CDH23: variants seen among roughly 807,000 people sequenced by gnomAD.
The protein encoded by CDH23 is cadherin related 23.
A neutral mutation model predicts 317.1 loss-of-function variants in CDH23; 189 were observed. That is an observed-to-expected ratio of 0.60 (90% CI 0.53 to 0.67). CDH23 has a LOEUF of 0.67. CDH23 is among the 30% of genes least tolerant of loss of function. The pLI is 0.00. For synonymous variants in CDH23, 1,839 were observed against 1,876.8 expected, an observed-to-expected ratio of 0.98 and a Z score of 0.52; for missense variants, 4,401 against 4,592.4, an observed-to-expected ratio of 0.96 and a Z score of 1.20.
chr10:71,813,286 A>G lies in CDH23; in HGVS notation c.9676A>G (p.Lys3226Glu). 1.3e-6 allele frequency: 2 copies of G among 1,551,666 alleles called. No homozygotes were observed. Among genetic ancestry groups the G allele is most frequent in the Non-Finnish European group, 1.7e-6 (2 of 1,146,986 alleles). ...GGTCCTGGAGGATTACCTGCGGCTC[A>G]AAAAGCTCTTTGCACAGCGGATGGT... ...KVVLEDYLRLKKLFAQRMVQK... is the reference protein window; with the variant it reads ...KVVLEDYLRLEKLFAQRMVQK... The change falls in exon 69 of 70, where the codon AAA (lysine) becomes GAA (glutamate). Residue 3226 changes from lysine (K) to glutamate (E), a missense_variant. By Grantham distance (56) the Lys-to-Glu change is moderately conservative. This residue lies in a region of CDH23 where 1,144 missense variants were observed against 1,138.2 expected (regional missense o/e 1.01). Coordinates refer to ENST00000224721, the MANE Select transcript of CDH23 (RefSeq NM_022124.6).
intron 6 of CDH23, among the ~76,000 whole-genome samples, chr10:71,556,649 A>C (rs1430704639): frequency 6.6e-6 from 1 of 152,078 alleles, no homozygotes; most frequent in East Asian, 1.9e-4. Context: ...ATAGGGAAAA[A>C]CTGTTTTTAA....
intron 12 of CDH23, 52 bp downstream of exon 12, chr10:71,643,918 G>A (rs1323332122): frequency 3.9e-6 from 3 of 765,420 alleles, no homozygotes; most frequent in Non-Finnish European, 7.2e-6. Context: ...GCTTGTGGTG[G>A]GCACAGTGGG....
At chr10:71,664,465 G>A (rs1863802603) in intron 14 of CDH23, among the ~76,000 whole-genome samples, 1 of 152,154 alleles carries the variant, frequency 6.6e-6, no homozygotes, top group Non-Finnish European at 1.5e-5. Flanking sequence ...CTCCTGCAGG[G>A]CTTAGCACCA....
At chr10:71,761,830 C>T (rs758165395) in intron 38 of CDH23, 10 of 1,614,148 alleles carry the variant, frequency 6.2e-6, no homozygotes, top group East Asian at 2.2e-5. Context: ...GGTCCTGGAA[C>T]GTGAGGTTGC....
rs143551794 is a variant in CDH23, at chr10:71,791,959, C to A, written c.6253+624C>A. Among the ~76,000 whole-genome samples, 537 of 152,128 alleles carry A rather than the reference C, an allele frequency of 3.5e-3. 2 individuals are homozygous for A. The highest frequency in any genetic ancestry group is 0.012 in the African/African-American group (510 of 41,486). ...AAGTCAAAATAGGATCAACATGATTCCCATCAAAATCAAATATAACTTCTG... is the reference window on the plus strand; with the variant it reads ...AAGTCAAAATAGGATCAACATGATTACCATCAAAATCAAATATAACTTCTG... On this transcript the variant is annotated intron_variant, in intron 47 of 69. Transcript: ENST00000224721.
intron 2 of CDH23, among the ~76,000 whole-genome samples, chr10:71,444,391 T>G (rs879384713): frequency 3.9e-5 from 6 of 152,192 alleles, no homozygotes; most frequent in African/African-American, 9.6e-5. Context: ...GGTGAGGCCC[T>G]TGACCACCAC....
intron 1 of CDH23, among the ~76,000 whole-genome samples, chr10:71,411,653 A>G (rs1179016345): frequency 6.6e-6 from 1 of 152,178 alleles, no homozygotes; most frequent in Non-Finnish European, 1.5e-5. Context: ...TGGAAGTGGT[A>G]ATAATAAGCA....
intron 9 of CDH23, among the ~76,000 whole-genome samples, chr10:71,611,875 G>A (rs542093364): frequency 2.0e-5 from 3 of 152,250 alleles, no homozygotes; most frequent in African/African-American, 4.8e-5. Context: ...TTTCTTTACC[G>A]ATTCTCCAAC....
At chr10:71,417,574 C>A (rs981489929) in intron 1 of CDH23, among the ~76,000 whole-genome samples, 2 of 152,042 alleles carry the variant, frequency 1.3e-5, no homozygotes, top group Admixed American at 6.6e-5. Context: ...TCACCATGTC[C>A]CATATATCTC....
Position 71,752,580 on chromosome 10 carries a change from G to T in CDH23, c.4845+10659G>T, listed in dbSNP as rs574223427. ...CCCTCAGCCTCTGCCCTTGTGGCCT[G>T]CAGCGGCCTAACAGCTTTCTCCTTG... On this transcript the variant is annotated intron_variant, in intron 38 of 69. Coordinates refer to ENST00000224721, the MANE Select transcript of CDH23 (RefSeq NM_022124.6). Among the ~76,000 whole-genome samples, 3 of 152,306 alleles carry T rather than the reference G, an allele frequency of 2.0e-5. No homozygotes were observed. In the South Asian group the frequency reaches 6.2e-4, roughly 32 times the overall value.
intron 9 of CDH23, among the ~76,000 whole-genome samples, chr10:71,602,320 C>T (rs1159009342): frequency 2.0e-5 from 3 of 152,060 alleles, no homozygotes; most frequent in African/African-American, 4.8e-5. Context: ...CAGTGAGAGC[C>T]GCTCTGTACC....
At chr10:71,811,898 C>G in intron 65 of CDH23, 57 bp from the exon 66 acceptor site, 3 of 1,599,086 alleles carry the variant, frequency 1.9e-6, no homozygotes, top group Non-Finnish European at 2.6e-6. Flanking sequence ...CCCCCCAACA[C>G]CACCCCTACC....
intron 1 of CDH23, among the ~76,000 whole-genome samples, chr10:71,409,141 C>A (rs1848239663): frequency 6.6e-6 from 1 of 152,190 alleles, no homozygotes; most frequent in East Asian, 1.9e-4. Flanking sequence ...GGCTCCTGGG[C>A]AGGACTTTTT....
chr10:71,813,142 A>G, intron 68 of CDH23, 102 bp from the exon 69 acceptor site: 1 of 1,215,888 alleles, frequency 8.2e-7, no homozygotes, highest in Non-Finnish European at 1.2e-6. Flanking sequence ...TAGGATCACC[A>G]GGATCAGATG....
chr10:71,692,308 T>C (rs76583576), intron 20 of CDH23, among the ~76,000 whole-genome samples: 2,031 of 152,302 alleles, frequency 0.013, 53 homozygotes, highest in African/African-American at 0.045. Flanking sequence ...CAGTCGGGGC[T>C]CCAGCTCCAC....
intron 28 of CDH23, among the ~76,000 whole-genome samples, chr10:71,719,194 C>T (rs536151966): frequency 3.9e-5 from 6 of 152,324 alleles, no homozygotes; most frequent in African/African-American, 9.6e-5. Flanking sequence ...TCCTGGAGCA[C>T]GAGGCAAGTC....
chr10:71,701,047 C>T (rs541213988), intron 22 of CDH23, among the ~76,000 whole-genome samples: 1 of 152,316 alleles, frequency 6.6e-6, no homozygotes, highest in Admixed American at 6.5e-5. Flanking sequence ...ACCTCTCTCC[C>T]CCCACCACCA....
At chr10:71,612,540 A>G (rs1860965689) in intron 9 of CDH23, among the ~76,000 whole-genome samples, 1 of 152,232 alleles carries the variant, frequency 6.6e-6, no homozygotes, top group African/African-American at 2.4e-5. Flanking sequence ...AAATCTCACA[A>G]AGATAAAAAT....
intron 18 of CDH23, 141 bp from the exon 19 acceptor site, chr10:71,687,506 A>T: frequency 1.4e-6 from 1 of 725,512 alleles, no homozygotes; most frequent in Non-Finnish European, 2.5e-6. Flanking sequence ...CTGACACCTC[A>T]CCTGGCTCTG....
Sources: gnomAD v4.1 joint callset for allele counts (sites outside exome capture counted in the v4.1 genomes callset) on GRCh38, gnomAD v4.1.1 for gene constraint, gnomAD v4.1.1 regional missense constraint, MANE v1.5 for transcripts, NCBI Gene and HGNC (gene_info 2026-07-23, HGNC 2026-07-21) for gene names.